Variants in PRDM5 observed in about 807,000 individuals in gnomAD.
PRDM5 encodes the protein PR/SET domain 5.
A neutral mutation model predicts 81.2 loss-of-function variants in PRDM5; 56 were observed. That is an observed-to-expected ratio of 0.69 (90% CI 0.56 to 0.86). The LOEUF (loss-of-function observed/expected upper bound fraction) is 0.86, where lower values mean the gene tolerates loss of function less well. Ranked by LOEUF, PRDM5 falls within the 40% of genes least tolerant of loss-of-function variation. The pLI, the probability that PRDM5 is intolerant of heterozygous loss-of-function variation, is 0.00. For missense variants in PRDM5, 697 were observed against 770.1 expected (o/e 0.91, Z 1.12); for synonymous variants, 267 against 256.4 (o/e 1.04, Z -0.39).
chr4:120,767,506 A>T (rs1746552425), intron 13 of PRDM5, among the ~76,000 whole-genome samples: 1 of 152,212 alleles, frequency 6.6e-6, no homozygotes, highest in Non-Finnish European at 1.5e-5. Flanking sequence ...AACAAAGTTA[A>T]ACTGACACCT....
chr4:120,816,523 CTTGCA>C lies in PRDM5; in HGVS notation c.790_794del (p.Cys264GlyfsTer2). On this transcript the variant is annotated frameshift_variant, in exon 7 of 16. Coordinates refer to ENST00000264808, the MANE Select transcript of PRDM5 (RefSeq NM_018699.4). LOFTEE classifies it high-confidence loss of function. ...TCAGCCTCTTTCCACAGCTGTCAGC[CTTGCA>C]CACAAACCTGGCATCCCCCCGGCAA... 3 of 1,614,194 alleles carry C rather than the reference CTTGCA, an allele frequency of 1.9e-6. No individual in the cohort carries two copies.
At chr4:120,853,576 G>A (rs915290745) in intron 2 of PRDM5, 36 bp from the exon 3 acceptor site, 1 of 1,613,156 alleles carries the variant, frequency 6.2e-7, no homozygotes, top group Non-Finnish European at 8.5e-7. Context: ...TACAATGGAA[G>A]TCAGAATATT....
intron 3 of PRDM5, among the ~76,000 whole-genome samples, chr4:120,846,318 T>A (rs1005836788): frequency 1.3e-5 from 2 of 152,184 alleles, no homozygotes; most frequent in African/African-American, 4.8e-5. Flanking sequence ...AAAAGTCAAT[T>A]GATGCAGCAA....
rs1402143467 is a variant in PRDM5, at chr4:120,922,551, C to T, written c.58G>A (p.Gly20Ser). ...FSLKSSRVQD[G>S]MGLYTARRVR... The stretch of plus-strand genomic sequence containing the variant: ...CTGCGGGCCGTGTAGAGCCCCATGC[C>T]GTCCTGAACCCGGGAGGACTTCAGG... Residue 20 changes from glycine to serine, a missense_variant, in exon 1 of 16, where the codon GGC becomes AGC. Coordinates refer to ENST00000264808, the MANE Select transcript of PRDM5 (RefSeq NM_018699.4). 4.3e-6 allele frequency: 7 copies of T among 1,610,874 alleles called. No individual in the cohort carries two copies. The highest frequency in any genetic ancestry group is 5.9e-6 in the Non-Finnish European group (7 of 1,179,062).
intron 2 of PRDM5, among the ~76,000 whole-genome samples, chr4:120,871,292 G>A (rs1761758740): frequency 6.6e-6 from 1 of 152,162 alleles, no homozygotes; most frequent in African/African-American, 2.4e-5. Flanking sequence ...ACAACTATCT[G>A]CTTCTGTTCT....
At chr4:120,871,070 A>T (rs1253132215) in intron 2 of PRDM5, among the ~76,000 whole-genome samples, 2 of 152,076 alleles carry the variant, frequency 1.3e-5, no homozygotes, top group Admixed American at 1.3e-4. Context: ...CTCCCTCTCC[A>T]CATGGGAAGA....
downstream of PRDM5, among the ~76,000 whole-genome samples, chr4:120,689,577 C>T (rs1470545586): frequency 1.3e-5 from 2 of 151,664 alleles, no homozygotes; most frequent in African/African-American, 4.8e-5. Context: ...TGATTGATTT[C>T]CACTAGTTAG....
Position 120,843,881 on chromosome 4 carries a change from C to T in PRDM5, c.300+9537G>A, listed in dbSNP as rs567020538. On this transcript the variant is annotated intron_variant, in intron 3 of 15. Transcript: ENST00000264808. ...ACAGTACAGTAAGACTTCTTCCCCA[C>T]AGGGCATTTCTTGTGTCTATAAAGT... Among the ~76,000 whole-genome samples the T allele has an allele frequency of 2.0e-5, 3 of 152,230 alleles. No individual in the cohort carries two copies. In the South Asian group the frequency reaches 6.2e-4, roughly 32 times the overall value.
chr4:120,815,724 ACAGGGTTTCATAAATCT>A (rs1203216148), intron 7 of PRDM5, among the ~76,000 whole-genome samples: 6 of 152,226 alleles, frequency 3.9e-5, no homozygotes, highest in African/African-American at 1.4e-4. Context: ...AGAAGAACAC[ACAGGGTTTCATAAATCT>A]CAACCTCCTT....
chr4:120,792,008 T>A (rs1750651840), intron 10 of PRDM5, among the ~76,000 whole-genome samples: 1 of 152,166 alleles, frequency 6.6e-6, no homozygotes, highest in South Asian at 2.1e-4. Context: ...GAGAAATAAC[T>A]GTTTGTTGTT....
intron 7 of PRDM5, among the ~76,000 whole-genome samples, chr4:120,813,655 TC>T (rs1399856474): frequency 6.6e-6 from 1 of 152,190 alleles, no homozygotes; most frequent in Non-Finnish European, 1.5e-5. Context: ...GAGAAAATTC[TC>T]CCAGGCAAAA....
intron 1 of PRDM5, among the ~76,000 whole-genome samples, chr4:120,912,145 G>T (rs895261484): frequency 6.6e-6 from 1 of 152,142 alleles, no homozygotes; most frequent in Non-Finnish European, 1.5e-5. Context: ...GCAAAAGGTT[G>T]ATGGTGAAAA....
At chr4:120,695,667 T>C (rs1734440056) in intron 15 of PRDM5, among the ~76,000 whole-genome samples, 1 of 152,150 alleles carries the variant, frequency 6.6e-6, no homozygotes, top group African/African-American at 2.4e-5. Context: ...CAGAAATTTA[T>C]TACACACTAT....
intron 13 of PRDM5, among the ~76,000 whole-genome samples, chr4:120,773,715 T>G (rs896327734): frequency 6.6e-6 from 1 of 152,204 alleles, no homozygotes; most frequent in Non-Finnish European, 1.5e-5. Flanking sequence ...TATCATCCAC[T>G]GTAATAACAC....
chr4:120,809,425 C>T (rs1753523522), intron 8 of PRDM5, among the ~76,000 whole-genome samples: 2 of 151,700 alleles, frequency 1.3e-5, no homozygotes, highest in African/African-American at 2.4e-5. Context: ...CAAAAAAATG[C>T]TTAATAAAAA....
At chr4:120,902,557 T>C (rs1009631403) in intron 2 of PRDM5, among the ~76,000 whole-genome samples, 1 of 152,220 alleles carries the variant, frequency 6.6e-6, no homozygotes, top group Non-Finnish European at 1.5e-5. Flanking sequence ...AAACTGGGTA[T>C]ATTCCACCAA....
chr4:120,806,413 A>G (rs71481997), intron 8 of PRDM5, among the ~76,000 whole-genome samples: 3 of 152,236 alleles, frequency 2.0e-5, no homozygotes, highest in African/African-American at 2.4e-5. Context: ...CAAAAAGAAC[A>G]AAGCTGGAGG....
At chr4:120,743,844 C>A (rs1490467646) in intron 14 of PRDM5, among the ~76,000 whole-genome samples, 1 of 147,752 alleles carries the variant, frequency 6.8e-6, no homozygotes, top group Non-Finnish European at 1.5e-5. Context: ...GACTTTAACA[C>A]CCCACTGTCA....
At chr4:120,686,520 T>C (rs547711348) in intron 1 of PRDM5, among the ~76,000 whole-genome samples, 35 of 152,208 alleles carry the variant, frequency 2.3e-4, no homozygotes, top group Admixed American at 1.5e-3. Context: ...TTCAATTACA[T>C]ATGTGTATTT....
Sources: allele counts gnomAD v4.1 joint callset (sites outside exome capture counted in the v4.1 genomes callset), GRCh38; gene constraint gnomAD v4.1.1; transcripts MANE v1.5; gene names NCBI Gene and HGNC (gene_info 2026-07-23, HGNC 2026-07-21).